Variants in ACHE observed in about 807,000 individuals in gnomAD.
The protein encoded by ACHE is acetylcholinesterase (Yt blood group).
A neutral mutation model predicts 53.9 loss-of-function variants in ACHE; 19 were observed. The ratio of observed to expected loss-of-function variants is 0.35; its 90% CI spans 0.25 to 0.52. The LOEUF is 0.52. Among genes scored for constraint, ACHE ranks in the 20% least tolerant of loss-of-function variants. The probability of loss-of-function intolerance (pLI) is 0.95; values close to 1 mark genes in which losing one functional copy is unlikely to be tolerated. For missense variants in ACHE, 605 were observed against 849.4 expected, an observed-to-expected ratio of 0.71 and a Z score of 3.58; for synonymous variants, 392 against 378.1, an observed-to-expected ratio of 1.04 and a Z score of -0.43.
At chr7:100,894,433 G>A in intron 1 of ACHE, 181 bp from the exon 2 acceptor site, 1 of 464,014 alleles carries the variant, frequency 2.2e-6, no homozygotes, top group Non-Finnish European at 3.8e-6. Flanking sequence ...ACACAGGCCA[G>A]CGGGCAGGAG....
chr7:100,892,182 C>T lies in ACHE; in HGVS notation c.1553+152G>A, dbSNP rs1182955104. 46 of 1,006,282 alleles carry T rather than the reference C, an allele frequency of 4.6e-5. 1 individual carries two copies. The highest frequency in any genetic ancestry group is 6.0e-5 in the Non-Finnish European group (46 of 764,828). The allele number at this position is 1,006,282 out of a possible 1,614,324, so 62.3% of individuals were successfully genotyped here. A position where few individuals can be genotyped will look rare whatever the true frequency, so the allele number is the denominator to read the frequency against. On this transcript the variant is annotated intron_variant, in intron 3 of 4. Coordinates refer to ENST00000241069, the MANE Select transcript of ACHE (RefSeq NM_000665.5). The surrounding 1 kb of genome is among the most constrained non-coding windows in gnomAD (Gnocchi z 5.2). Reference sequence around the variant, plus strand: ...CTCTGTCTCCTTTCTTTTTCTCTCCCCTTTTATCTACTTTGTGAGCATATC... The same window carrying T: ...CTCTGTCTCCTTTCTTTTTCTCTCCTCTTTTATCTACTTTGTGAGCATATC...
chr7:100,891,289 T>C lies in ACHE; in HGVS notation c.1603A>G (p.Thr535Ala). Residue 535 changes from threonine (T) to alanine (A), a missense_variant, in exon 4 of 5, where the codon ACG becomes GCG. Thr to Ala is a moderately conservative substitution (Grantham distance 58). Coordinates refer to ENST00000241069, the MANE Select transcript of ACHE (RefSeq NM_000665.5). ...CTAACGTACTGCTGAGCCCCCGCCG[T>C]GTACGGGGGCCATTGTGGGGCCTTG... is the stretch of plus-strand genomic sequence containing the variant. ...DPKAPQWPPYTAGAQQYVSLD... is the reference protein window; with the variant it reads ...DPKAPQWPPYAAGAQQYVSLD... 6.2e-7 allele frequency: 1 copy of C among 1,601,382 alleles called. No individual in the cohort carries two copies. The highest frequency in any genetic ancestry group is 8.5e-7 in the Non-Finnish European group (1 of 1,175,234).
intron 1 of ACHE, among the ~76,000 whole-genome samples, chr7:100,894,586 G>C (rs1790926410): frequency 6.9e-6 from 1 of 145,306 alleles, no homozygotes; most frequent in Non-Finnish European, 1.5e-5. Context: ...GGCACCAGAA[G>C]CCTCAGTCCA....
In ACHE at chr7:100,892,254, T is replaced by C. The variant is rs1584772910; in HGVS notation, c.1553+80A>G. ...GCCCCTGTCCCACCCGTCCTTTCTG[T>C]CTCCGTGTGTCTGCCTTTGTGTGTC... On this transcript the variant is annotated intron_variant, in intron 3 of 4. Coordinates refer to ENST00000241069, the MANE Select transcript of ACHE (RefSeq NM_000665.5). The surrounding 1 kb of genome is among the most constrained non-coding windows in gnomAD (Gnocchi z 5.2). 2 of 1,444,640 alleles carry C rather than the reference T, an allele frequency of 1.4e-6. No homozygotes were observed. Among genetic ancestry groups the C allele is most frequent in the South Asian group, 1.7e-5 (1 of 59,724 alleles). The allele number at this position is 1,444,640 out of a possible 1,614,324, so 89.5% of individuals were successfully genotyped here. A position where few individuals can be genotyped will look rare whatever the true frequency, so the allele number is the denominator to read the frequency against.
At chr7:100,894,797 C>G (rs956622349) in intron 1 of ACHE, among the ~76,000 whole-genome samples, 33 of 152,274 alleles carry the variant, frequency 2.2e-4, no homozygotes, top group Admixed American at 1.9e-3. Context: ...CCACCCAACC[C>G]TGCCCCTTCT....
chr7:100,892,723 G>A lies in ACHE; in HGVS notation c.1164C>T (p.Ala388=), dbSNP rs755962641. 2.0e-5 allele frequency: 33 copies of A among 1,613,276 alleles called. No homozygotes were observed. Among genetic ancestry groups the A allele is most frequent in the Non-Finnish European group, 2.4e-5 (28 of 1,179,988 alleles). The change falls in exon 3 of 5, where the codon GCC becomes GCT. Residue 388 remains alanine, a synonymous_variant. Coordinates refer to ENST00000241069, the MANE Select transcript of ACHE (RefSeq NM_000665.5). This position sits in a 1 kb window ranked among gnomAD's most constrained non-coding sequence, Gnocchi z 5.2. The part of the protein sequence containing the change: ...SKDNESLISR[A]EFLAGVRVGV... ...CGACCCGCACCCCGGCCAGGAACTCGGCCCGGCTGATGAGAGACTCGTTGT... is the reference window on the plus strand; with the variant it reads ...CGACCCGCACCCCGGCCAGGAACTCAGCCCGGCTGATGAGAGACTCGTTGT...
chr7:100,891,755 C>A (rs932806189), intron 3 of ACHE, among the ~76,000 whole-genome samples: 1 of 150,948 alleles, frequency 6.6e-6, no homozygotes, highest in Non-Finnish European at 1.5e-5. Flanking sequence ...TGACTTAATC[C>A]AGCTCCAACT....
rs1381982037 is a variant in ACHE at position 100,890,043 on chromosome 7, G to T, written c.*171C>A. 3 of 739,650 alleles carry T rather than the reference G, an allele frequency of 4.1e-6. No homozygotes were observed. The highest frequency in any genetic ancestry group is 6.3e-6 in the Non-Finnish European group (3 of 473,504). The allele number at this position is 739,650 out of a possible 1,614,324, so 45.8% of individuals were successfully genotyped here. A position where few individuals can be genotyped will look rare whatever the true frequency, so the allele number is the denominator to read the frequency against. On this transcript the variant is annotated 3_prime_UTR_variant, in exon 5 of 5. Transcript: ENST00000241069. ...CCAGAGGGGCGAAGGCACCGCGGGG[G>T]AGGGAGCTCAGCCTGAGACATGCAG...
chr7:100,892,486 C>T lies in ACHE; in HGVS notation c.1401G>A (p.Thr467=), dbSNP rs745696709. Reference sequence around the variant, plus strand: ...CCCCCATCCACAGGGGCCAGGAGAGCGTGGAAGCACGGTGTTCAAAGACGT... The same window carrying T: ...CCCCCATCCACAGGGGCCAGGAGAGTGTGGAAGCACGGTGTTCAAAGACGT... The part of the protein sequence containing the change: ...YAYVFEHRAS[T]LSWPLWMGVP... Residue 467 remains threonine (T), a synonymous_variant, in exon 3 of 5, where the codon ACG becomes ACA. Transcript: ENST00000241069. The surrounding 1 kb of genome is among the most constrained non-coding windows in gnomAD (Gnocchi z 5.2). 5.0e-6 allele frequency: 8 copies of T among 1,586,544 alleles called. No homozygotes were observed. The Admixed American group carries it at 8.5e-5, about 17-fold the overall frequency.
At chr7:100,891,376 TG>T (rs1474645176) in intron 3 of ACHE, 38 bp from the exon 4 acceptor site, 1 of 1,486,394 alleles carries the variant, frequency 6.7e-7, no homozygotes, top group African/African-American at 1.4e-5. Flanking sequence ...AGACGGGCAG[TG>T]GGAGGAGGTG....
intron 1 of ACHE, among the ~76,000 whole-genome samples, chr7:100,894,654 T>C (rs912485770): frequency 1.5e-4 from 4 of 26,698 alleles, no homozygotes; most frequent in Non-Finnish European, 2.7e-4. Flanking sequence ...CTGGGGGAGC[T>C]TGCGGCGGCC....
At chr7:100,891,409 C>T (rs1047108606) in intron 3 of ACHE, 71 bp from the exon 4 acceptor site, 2 of 1,446,028 alleles carry the variant, frequency 1.4e-6, no homozygotes, top group Non-Finnish European at 1.8e-6. Flanking sequence ...CACGGGATCC[C>T]GGACTCTTCA....
rs1020943049 is a variant in ACHE at position 100,890,291 on chromosome 7, G to A, written c.1768C>T (p.Arg590Cys). ...AERQWKAEFH[R>C]WSSYMVHWKN... ...CAGTGCACCATGTAGGAGCTCCAGCGGTGGAACTCGGCCTTCCACTGGCGC... is the reference window on the plus strand; with the variant it reads ...CAGTGCACCATGTAGGAGCTCCAGCAGTGGAACTCGGCCTTCCACTGGCGC... The change falls in exon 5 of 5, where the codon CGC becomes TGC. Residue 590 changes from arginine to cysteine, a missense_variant. Arg to Cys is a radical substitution (Grantham distance 180). Coordinates refer to ENST00000241069, the MANE Select transcript of ACHE (RefSeq NM_000665.5). The A allele has an allele frequency of 2.5e-6, 4 of 1,609,170 alleles. No homozygotes were observed. In the African/African-American group the frequency reaches 5.3e-5, roughly 21 times the overall value.
upstream of ACHE, chr7:100,896,231 C>T (rs1791033679): frequency 6.6e-6 from 1 of 152,288 alleles, no homozygotes; most frequent in African/African-American, 2.4e-5. Flanking sequence ...GCAGGGACGA[C>T]TTTCACAGAC....
At position 100,894,050 on chromosome 7, in the gene ACHE, A is replaced by G. The variant is rs17228574; in HGVS notation, c.183T>C (p.Ser61=). The G allele has an allele frequency of 5.4e-4, 860 of 1,590,172 alleles. 2 individuals are homozygous for G. In the African/African-American group the frequency reaches 8.5e-3, roughly 16 times the overall value. Residue 61 remains serine, a synonymous_variant, in exon 2 of 5, where the codon TCT becomes TCC. Transcript: ENST00000241069. ...IRLKTPGGPV[S]AFLGIPFAEP... is the part of the protein sequence containing the mutation. ...CCGCAAAGGGGATGCCCAGGAAAGC[A>G]GAGACAGGGCCCCCGGGGGTCTTCA...
In ACHE at chr7:100,892,892, G is replaced by T. The variant is rs779640927; in HGVS notation, c.1069-74C>A. 18 of 1,464,218 alleles carry T rather than the reference G, an allele frequency of 1.2e-5. No individual in the cohort carries two copies. Among genetic ancestry groups the T allele is most frequent in the Non-Finnish European group, 1.6e-5 (18 of 1,104,856 alleles). 90.7% of individuals were successfully genotyped at this position (1,464,218 alleles called of 1,614,324 possible). A position where few individuals can be genotyped will look rare whatever the true frequency, so the allele number is the denominator to read the frequency against. ...ACAAGTAGACAGAAACAGATGGACA[G>T]ACAAAGAGCCAGAGAGATGAACAGT... On this transcript the variant is annotated intron_variant, in intron 2 of 4. Transcript: ENST00000241069. The surrounding 1 kb of genome is among the most constrained non-coding windows in gnomAD (Gnocchi z 5.2).
Position 100,894,084 on chromosome 7 carries a change from C to T in ACHE, c.149G>A (p.Gly50Asp). 3 of 1,535,382 alleles carry T rather than the reference C, an allele frequency of 2.0e-6. No homozygotes were observed. The highest frequency in any genetic ancestry group is 4.1e-5 in the Admixed American group (2 of 48,880). ...GCCCCCGGGGGTCTTCAGGCGAATG[C>T]CCCGCAGCCGGCCCCCACGCACCGT... is the stretch of plus-strand genomic sequence containing the variant. ...LVTVRGGRLRGIRLKTPGGPV... is the reference protein window; with the variant it reads ...LVTVRGGRLRDIRLKTPGGPV... The change falls in exon 2 of 5, where the codon GGC becomes GAC. Residue 50 changes from glycine to aspartate, a missense_variant. Coordinates refer to ENST00000241069, the MANE Select transcript of ACHE (RefSeq NM_000665.5).
chr7:100,890,988 G>A (rs766549263), intron 4 of ACHE, 181 bp downstream of exon 4: 4 of 1,461,654 alleles, frequency 2.7e-6, no homozygotes, highest in Admixed American at 2.8e-5. Context: ...AGAGGAAGAG[G>A]AGGAGAAGCT....
At position 100,893,636 on chromosome 7, in the gene ACHE, C is replaced by A. The variant is rs750810719; in HGVS notation, c.597G>T (p.Pro199=). The change falls in exon 2 of 5, where the codon CCG becomes CCT. Residue 199 remains proline, a synonymous_variant. Coordinates refer to ENST00000241069, the MANE Select transcript of ACHE (RefSeq NM_000665.5). The part of the protein sequence containing the change: ...FLALPGSREA[P]GNVGLLDQRL... ...TCTGATCCAGGAGACCCACATTGCC[C>A]GGGGCCTCTCGGCTCCCCGGCAGGG... is the stretch of plus-strand genomic sequence containing the variant. The A allele has an allele frequency of 1.9e-6, 3 of 1,613,168 alleles. No homozygotes were observed. In the South Asian group the frequency reaches 3.3e-5, roughly 18 times the overall value.
Sources: allele counts gnomAD v4.1 joint callset (sites outside exome capture counted in the v4.1 genomes callset), GRCh38; gene constraint gnomAD v4.1.1; non-coding constraint Gnocchi (gnomAD v3.1); transcripts MANE v1.5; gene names NCBI Gene and HGNC (gene_info 2026-07-23, HGNC 2026-07-21).